The following RARB variants were observed in gnomAD, a reference collection of about 807,000 sequenced individuals.
The protein encoded by RARB is HBV-activated protein.
RARB carries 17 observed loss-of-function variants against 51.9 expected under a neutral mutation model. That is an observed-to-expected ratio of 0.33 (90% CI 0.22 to 0.49). The LOEUF is 0.49. Among genes scored for constraint, RARB ranks in the 20% least tolerant of loss-of-function variants. The pLI is 0.99. For missense variants in RARB, 369 were observed against 550.8 expected, an observed-to-expected ratio of 0.67 and a Z score of 3.30; for synonymous variants, 215 against 195.4, an observed-to-expected ratio of 1.10 and a Z score of -0.84.
intron 4 of RARB, 138 bp downstream of exon 4, chr3:25,570,056 C>T (rs1250243318): frequency 1.6e-6 from 2 of 1,249,738 alleles, no homozygotes; most frequent in South Asian, 1.5e-5. Flanking sequence ...TGCATGCTAG[C>T]CAGCTGGGGC....
At chr3:25,051,835 A>G (rs1437966670) in intron 2 of RARB, among the ~76,000 whole-genome samples, 2 of 152,164 alleles carry the variant, frequency 1.3e-5, no homozygotes, top group Non-Finnish European at 2.9e-5. Context: ...GAAGGGAGGA[A>G]GCATCTTAAA....
In RARB at chr3:25,200,135, A is replaced by G. The variant is rs576758056; in HGVS notation, c.178+25560A>G. On this transcript the variant is annotated intron_variant, in intron 5 of 11. Transcript: ENST00000383772. ...GTTTCCTGACTTTTTAATGATCTCC[A>G]TTCTAACTGGTGTGAGATGGTATCT... 3.2e-3 allele frequency among the ~76,000 whole-genome samples: 482 copies of G among 152,216 alleles called. 2 individuals are homozygous for G. Among genetic ancestry groups the G allele is most frequent in the Non-Finnish European group, 3.5e-3 (239 of 68,000 alleles).
intron 2 of RARB, among the ~76,000 whole-genome samples, chr3:24,880,624 T>A (rs935877394): frequency 1.3e-5 from 2 of 152,108 alleles, no homozygotes. Context: ...TAGAAGGGAC[T>A]TCATGAGGTG....
At chr3:25,119,695 G>A (rs538037483) in intron 3 of RARB, among the ~76,000 whole-genome samples, 3 of 151,472 alleles carry the variant, frequency 2.0e-5, no homozygotes, top group Non-Finnish European at 2.9e-5. Flanking sequence ...CACTGCTCTT[G>A]TGTCAATACT....
intron 5 of RARB, among the ~76,000 whole-genome samples, chr3:25,251,016 C>G (rs939539712): frequency 6.6e-6 from 1 of 152,108 alleles, no homozygotes; most frequent in African/African-American, 2.4e-5. Context: ...TTAGGTGTTT[C>G]CTGTTACTTC....
intron 5 of RARB, among the ~76,000 whole-genome samples, chr3:25,176,395 T>G (rs1700753695): frequency 7.1e-6 from 1 of 140,092 alleles, no homozygotes; most frequent in Admixed American, 7.6e-5. Context: ...CCTTATTTAT[T>G]TATTTATTTA....
At chr3:24,910,274 T>G (rs1039157026) in intron 2 of RARB, among the ~76,000 whole-genome samples, 4 of 152,188 alleles carry the variant, frequency 2.6e-5, no homozygotes, top group African/African-American at 9.6e-5. Flanking sequence ...GCATTTGCCT[T>G]TCCACCATCC....
intron 5 of RARB, among the ~76,000 whole-genome samples, chr3:25,384,664 C>G (rs559548836): frequency 1.3e-5 from 2 of 152,298 alleles, no homozygotes; most frequent in South Asian, 2.1e-4. Context: ...ATTCTTTTCT[C>G]TGCTACAAGC....
intron 2 of RARB, among the ~76,000 whole-genome samples, chr3:24,931,469 TCTTTACTTCC>T (rs1470601374): frequency 6.6e-6 from 1 of 152,046 alleles, no homozygotes; most frequent in Non-Finnish European, 1.5e-5. Context: ...ACCTCAGTGC[TCTTTACTTCC>T]CTTTGCCCAA....
At chr3:24,898,720 G>A (rs573485150) in intron 2 of RARB, among the ~76,000 whole-genome samples, 38 of 152,102 alleles carry the variant, frequency 2.5e-4, no homozygotes, top group East Asian at 1.9e-4. Context: ...CCCCTATAGC[G>A]GATATATTGG....
At chr3:25,071,791 A>C (rs1698771905) in intron 3 of RARB, among the ~76,000 whole-genome samples, 1 of 152,204 alleles carries the variant, frequency 6.6e-6, no homozygotes, top group African/African-American at 2.4e-5. Context: ...AAAGTAATAA[A>C]GTAAGTAGTA....
At chr3:25,267,310 C>T (rs1430181513) in intron 5 of RARB, among the ~76,000 whole-genome samples, 1 of 152,156 alleles carries the variant, frequency 6.6e-6, no homozygotes, top group African/African-American at 2.4e-5. Flanking sequence ...GGGAACACAG[C>T]AGACAATGGA....
At chr3:25,494,523 T>G (rs1696926895) in intron 2 of RARB, among the ~76,000 whole-genome samples, 1 of 152,230 alleles carries the variant, frequency 6.6e-6, no homozygotes, top group Non-Finnish European at 1.5e-5. Flanking sequence ...GGCACTACAG[T>G]GGATACTTTT....
chr3:25,176,995 A>G (rs1400708236), intron 5 of RARB, among the ~76,000 whole-genome samples: 1 of 152,130 alleles, frequency 6.6e-6, no homozygotes, highest in Non-Finnish European at 1.5e-5. Flanking sequence ...TTGTAAGGAG[A>G]GTGCTAAGTA....
At chr3:25,142,593 T>A (rs1418694370) in intron 4 of RARB, among the ~76,000 whole-genome samples, 1 of 152,172 alleles carries the variant, frequency 6.6e-6, no homozygotes, top group African/African-American at 2.4e-5. Context: ...CCTGTATTTT[T>A]TTTTTTTTTG....
At chr3:25,384,678 C>T (rs1162555040) in intron 5 of RARB, among the ~76,000 whole-genome samples, 1 of 152,148 alleles carries the variant, frequency 6.6e-6, no homozygotes, top group African/African-American at 2.4e-5. Context: ...TACAAGCTCA[C>T]CGTGGCAGGA....
At chr3:25,525,021 G>A (rs898840034) in intron 3 of RARB, among the ~76,000 whole-genome samples, 3 of 151,996 alleles carry the variant, frequency 2.0e-5, no homozygotes, top group African/African-American at 4.8e-5. Context: ...GAGCCACCAC[G>A]TCCAGCCCTT....
chr3:25,067,292 G>A (rs917196279), intron 3 of RARB, among the ~76,000 whole-genome samples: 5 of 152,132 alleles, frequency 3.3e-5, no homozygotes, highest in African/African-American at 4.8e-5. Flanking sequence ...ATGAAATCAC[G>A]TTTAAATAAA....
intron 2 of RARB, among the ~76,000 whole-genome samples, chr3:24,903,124 T>C (rs984318932): frequency 5.3e-5 from 8 of 152,222 alleles, no homozygotes; most frequent in African/African-American, 1.9e-4. Flanking sequence ...CTAATACTTA[T>C]TTTAATAAAA....
Sources: allele counts gnomAD v4.1 joint callset (sites outside exome capture counted in the v4.1 genomes callset), GRCh38; gene constraint gnomAD v4.1.1; transcripts MANE v1.5; gene names NCBI Gene and HGNC (gene_info 2026-07-23, HGNC 2026-07-21).